The following PTPN9 variants were observed in gnomAD, a reference collection of about 807,000 sequenced individuals.
PTPN9 encodes the protein tyrosine-protein phosphatase non-receptor type 9.
A neutral mutation model predicts 69.8 loss-of-function variants in PTPN9; 26 were observed. That is an observed-to-expected ratio of 0.37 (90% CI 0.27 to 0.52). The LOEUF is 0.52. Among genes scored for constraint, PTPN9 ranks in the 20% least tolerant of loss-of-function variants. PTPN9 has a pLI of 0.91. For missense variants in PTPN9, 549 were observed against 740.3 expected, an observed-to-expected ratio of 0.74 and a Z score of 3.00; for synonymous variants, 274 against 272.5, an observed-to-expected ratio of 1.01 and a Z score of -0.05.
chr15:75,505,146 C>A (rs1043269504), intron 7 of PTPN9, among the ~76,000 whole-genome samples: 1 of 151,580 alleles, frequency 6.6e-6, no homozygotes, highest in South Asian at 2.1e-4. Flanking sequence ...TCCTGTTGAT[C>A]GGTGACCTTA....
chr15:75,479,949 C>A (rs201726190), intron 8 of PTPN9, 35 bp from the exon 9 acceptor site: 2 of 1,403,564 alleles, frequency 1.4e-6, no homozygotes, highest in Non-Finnish European at 2.0e-6. Flanking sequence ...TATAGCTACA[C>A]AGAATACACC....
At chr15:75,570,583 A>C (rs1331224533) in intron 1 of PTPN9, among the ~76,000 whole-genome samples, 1 of 152,114 alleles carries the variant, frequency 6.6e-6, no homozygotes, top group East Asian at 1.9e-4. Context: ...CAGCCTGGGC[A>C]ACATGGTAAA....
At position 75,466,127 on chromosome 15, in the gene PTPN9, G is replaced by A. The variant is rs2074535775; in HGVS notation, c.*2642C>T. 1.3e-5 allele frequency: 2 copies of A among 152,232 alleles called. No individual in the cohort carries two copies. The highest frequency in any genetic ancestry group is 4.1e-4 in the South Asian group (2 of 4,836). 9.4% of individuals were successfully genotyped at this position (152,232 alleles called of 1,614,324 possible). A position where few individuals can be genotyped will look rare whatever the true frequency, so the allele number is the denominator to read the frequency against. On this transcript the variant is annotated 3_prime_UTR_variant, in exon 13 of 13. Transcript: ENST00000618819. Reference sequence around the variant, plus strand: ...AAGAGGTGAAAGAAGATACTTTGGAGTCAGATGGTCTGGGATCCTGGCTGT... The same window carrying A: ...AAGAGGTGAAAGAAGATACTTTGGAATCAGATGGTCTGGGATCCTGGCTGT...
At chr15:75,480,013 C>G in intron 8 of PTPN9, 99 bp from the exon 9 acceptor site, 1 of 787,404 alleles carries the variant, frequency 1.3e-6, no homozygotes, top group Non-Finnish European at 2.0e-6. Context: ...TGTGAATATT[C>G]TCTTCTTGTT....
At chr15:75,486,527 A>C (rs2074678493) in intron 8 of PTPN9, among the ~76,000 whole-genome samples, 1 of 152,090 alleles carries the variant, frequency 6.6e-6, no homozygotes, top group Non-Finnish European at 1.5e-5. Flanking sequence ...GTGAGAAATA[A>C]ATTTCTGTTG....
At chr15:75,566,197 C>A (rs777739403) in intron 1 of PTPN9, among the ~76,000 whole-genome samples, 47 of 151,684 alleles carry the variant, frequency 3.1e-4, no homozygotes, top group Non-Finnish European at 1.0e-4. Context: ...CTGAGGGATT[C>A]CTGAGATCTA....
intron 8 of PTPN9, among the ~76,000 whole-genome samples, chr15:75,483,689 T>C (rs2074657510): frequency 6.6e-6 from 1 of 152,130 alleles, no homozygotes; most frequent in Non-Finnish European, 1.5e-5. Context: ...AATAGGTAAA[T>C]TGTATGGTAT....
chr15:75,470,061 G>T, intron 11 of PTPN9, 62 bp from the exon 12 acceptor site: 1 of 1,444,372 alleles, frequency 6.9e-7, no homozygotes, highest in Non-Finnish European at 9.6e-7. Flanking sequence ...AGCTACCTCT[G>T]GCTTTTCCAG....
chr15:75,529,664 C>T (rs1214179144), intron 1 of PTPN9, among the ~76,000 whole-genome samples: 1 of 152,186 alleles, frequency 6.6e-6, no homozygotes, highest in African/African-American at 2.4e-5. Flanking sequence ...AATCCCAGCA[C>T]TTTGGGAAGC....
chr15:75,555,676 T>C (rs546506204), intron 1 of PTPN9, among the ~76,000 whole-genome samples: 2 of 151,890 alleles, frequency 1.3e-5, no homozygotes, highest in African/African-American at 4.8e-5. Context: ...AGATAATTTA[T>C]GTATTTTTTG....
chr15:75,507,860 T>C (rs993872013), intron 6 of PTPN9, among the ~76,000 whole-genome samples: 8 of 151,742 alleles, frequency 5.3e-5, no homozygotes, highest in Non-Finnish European at 7.4e-5. Flanking sequence ...CTGGCCAATA[T>C]GGTGAAACAC....
chr15:75,557,425 A>C (rs1459051211), intron 1 of PTPN9, among the ~76,000 whole-genome samples: 1 of 99,498 alleles, frequency 1.0e-5, no homozygotes, highest in South Asian at 2.4e-4. Context: ...ACTCTGTCTC[A>C]AAAAAAAAAA....
intron 2 of PTPN9, among the ~76,000 whole-genome samples, chr15:75,525,715 C>T (rs927525713): frequency 1.3e-5 from 2 of 150,834 alleles, no homozygotes; most frequent in Non-Finnish European, 3.0e-5. Flanking sequence ...CTCAGGAGTT[C>T]GAGACCAGCC....
intron 7 of PTPN9, 49 bp from the exon 8 acceptor site, chr15:75,490,350 G>GT (rs2074702383): frequency 1.5e-6 from 2 of 1,326,532 alleles, no homozygotes; most frequent in South Asian, 2.3e-5. Flanking sequence ...AGTGGGGACA[G>GT]TATGTATGTA....
chr15:75,531,272 A>C (rs1361216181), intron 1 of PTPN9, among the ~76,000 whole-genome samples: 1 of 152,076 alleles, frequency 6.6e-6, no homozygotes, highest in African/African-American at 2.4e-5. Context: ...CAGCAAAACC[A>C]ATCAGGCAAA....
chr15:75,572,442 G>A (rs1353847078), intron 1 of PTPN9, among the ~76,000 whole-genome samples: 1 of 152,180 alleles, frequency 6.6e-6, no homozygotes, highest in East Asian at 1.9e-4. Flanking sequence ...AGGCATGGTG[G>A]CTCATGCCTG....
intron 5 of PTPN9, among the ~76,000 whole-genome samples, chr15:75,512,507 T>G (rs2141314823): frequency 6.6e-6 from 1 of 152,316 alleles, no homozygotes; most frequent in East Asian, 1.9e-4. Context: ...GTATTATTTT[T>G]AATTATCTAA....
At chr15:75,549,363 G>C (rs2075047095) in intron 1 of PTPN9, among the ~76,000 whole-genome samples, 1 of 151,944 alleles carries the variant, frequency 6.6e-6, no homozygotes, top group African/African-American at 2.4e-5. Context: ...ACCACACTTG[G>C]CTAATTTCTG....
At chr15:75,548,395 A>G (rs894171412) in intron 1 of PTPN9, among the ~76,000 whole-genome samples, 3 of 151,556 alleles carry the variant, frequency 2.0e-5, no homozygotes, top group Non-Finnish European at 4.4e-5. Flanking sequence ...AGCTGGGATT[A>G]CAGGCGCCCA....
Sources: allele counts gnomAD v4.1 joint callset (sites outside exome capture counted in the v4.1 genomes callset), GRCh38; gene constraint gnomAD v4.1.1; transcripts MANE v1.5; gene names NCBI Gene and HGNC (gene_info 2026-07-23, HGNC 2026-07-21).